The following RASSF3 variants were observed in gnomAD, a reference collection of about 807,000 sequenced individuals.
RASSF3 encodes Ras association domain family member 3.
Under a neutral mutation model 19.9 loss-of-function variants are expected in RASSF3, and 19 were observed. The ratio of observed to expected loss-of-function variants is 0.96; its 90% CI spans 0.67 to 1.40. The LOEUF is 1.40. RASSF3 is among the 40% of genes most tolerant of loss of function. RASSF3 has a pLI of 0.00. For synonymous variants in RASSF3, 110 were observed against 104.2 expected (o/e 1.06, Z -0.34); for missense variants, 306 against 289.8 (o/e 1.06, Z -0.41).
At chr12:64,575,931 C>T (rs1869588466) in intron 2 of RASSF3, among the ~76,000 whole-genome samples, 1 of 149,942 alleles carries the variant, frequency 6.7e-6, no homozygotes, top group Non-Finnish European at 1.5e-5. Context: ...CTCTTGTTGC[C>T]CAGGCTAGAG....
At chr12:64,681,920 G>A (rs1873140466) in intron 1 of RASSF3, among the ~76,000 whole-genome samples, 1 of 152,176 alleles carries the variant, frequency 6.6e-6, no homozygotes, top group Admixed American at 6.5e-5. Context: ...TGGGAGGAAT[G>A]TTTGAACTCA....
chr12:64,576,490 A>C (rs914543077), intron 2 of RASSF3, among the ~76,000 whole-genome samples: 1 of 152,226 alleles, frequency 6.6e-6, no homozygotes, highest in Non-Finnish European at 1.5e-5. Flanking sequence ...GAAAAGATTT[A>C]TTAAACAGGA....
At chr12:64,676,771 A>ATT (rs1216124739) in intron 1 of RASSF3, among the ~76,000 whole-genome samples, 3 of 133,330 alleles carry the variant, frequency 2.3e-5, no homozygotes, top group Non-Finnish European at 3.2e-5. Flanking sequence ...GCACCTGGCC[A>ATT]CTTTTTTTTT....
intron 1 of RASSF3, chr12:64,655,078 A>C (rs1319566803): frequency 1.3e-5 from 2 of 152,154 alleles, no homozygotes; most frequent in African/African-American, 4.8e-5. Context: ...GCAAGGGGAG[A>C]GCTTTAATTC....
intron 1 of RASSF3, among the ~76,000 whole-genome samples, chr12:64,659,488 A>G (rs1190661795): frequency 6.6e-6 from 1 of 152,114 alleles, no homozygotes; most frequent in Non-Finnish European, 1.5e-5. Context: ...AGAGGGGTCC[A>G]TTTTTGTGGA....
chr12:64,645,841 C>CAGTA (rs1221368384), intron 1 of RASSF3, among the ~76,000 whole-genome samples: 2 of 152,168 alleles, frequency 1.3e-5, no homozygotes, highest in Non-Finnish European at 2.9e-5. Context: ...TGTAGAAATG[C>CAGTA]AGTACATTTC....
At chr12:64,625,354 C>T (rs1475531314) in intron 1 of RASSF3, among the ~76,000 whole-genome samples, 1 of 152,126 alleles carries the variant, frequency 6.6e-6, no homozygotes, top group Non-Finnish European at 1.5e-5. Context: ...TCCTTTAAAG[C>T]AAGCCACTCC....
At chr12:64,633,542 G>C (rs1334661876) in intron 1 of RASSF3, among the ~76,000 whole-genome samples, 3 of 152,096 alleles carry the variant, frequency 2.0e-5, no homozygotes, top group Non-Finnish European at 2.9e-5. Context: ...TCCTCACCAG[G>C]AGCAGATGTT....
chr12:64,574,325 A>G (rs1338833331), intron 2 of RASSF3, among the ~76,000 whole-genome samples: 3 of 151,928 alleles, frequency 2.0e-5, no homozygotes, highest in South Asian at 4.2e-4. Context: ...AAAAAAAAAA[A>G]GAAATATTTG....
At chr12:64,635,931 G>A (rs1376579986) in intron 1 of RASSF3, among the ~76,000 whole-genome samples, 1 of 152,096 alleles carries the variant, frequency 6.6e-6, no homozygotes, top group Non-Finnish European at 1.5e-5. Context: ...AAAATAGGCA[G>A]TATCTCTTTT....
chr12:64,508,480 G>A (rs1046003116), intron 1 of RASSF3, among the ~76,000 whole-genome samples: 13 of 151,344 alleles, frequency 8.6e-5, no homozygotes, highest in African/African-American at 1.9e-4. Flanking sequence ...TCATGCCACC[G>A]TACTCCAGCC....
intron 1 of RASSF3, chr12:64,654,808 T>C (rs1188391263): frequency 6.6e-6 from 1 of 152,016 alleles, no homozygotes; most frequent in East Asian, 1.9e-4. Flanking sequence ...GAAGTTGCAG[T>C]GAGCCGAGAT....
intron 1 of RASSF3, among the ~76,000 whole-genome samples, chr12:64,650,672 TC>T (rs1260123616): frequency 2.0e-5 from 3 of 152,126 alleles, no homozygotes; most frequent in African/African-American, 4.8e-5. Context: ...GCCTTGGACT[TC>T]CAAAGTGCTG....
chr12:64,603,013 C>T (rs1042411863), intron 2 of RASSF3, among the ~76,000 whole-genome samples: 1 of 151,536 alleles, frequency 6.6e-6, no homozygotes, highest in African/African-American at 2.4e-5. Flanking sequence ...GCAGGAGAAT[C>T]GCTTGAACCT....
chr12:64,618,521 G>T (rs1870629946), intron 1 of RASSF3, among the ~76,000 whole-genome samples: 1 of 152,040 alleles, frequency 6.6e-6, no homozygotes, highest in Admixed American at 6.6e-5. Flanking sequence ...TAGAGACGGG[G>T]TTATACCATG....
intron 1 of RASSF3, among the ~76,000 whole-genome samples, chr12:64,511,807 T>C (rs1271810228): frequency 1.3e-5 from 2 of 151,920 alleles, no homozygotes; most frequent in African/African-American, 4.9e-5. Context: ...TCATGACTTA[T>C]AAGATAACCA....
chr12:64,664,128 G>C (rs938818937), intron 1 of RASSF3, among the ~76,000 whole-genome samples: 1 of 151,898 alleles, frequency 6.6e-6, no homozygotes, highest in African/African-American at 2.4e-5. Flanking sequence ...TGTGAAGCTG[G>C]GATTTACATA....
At chr12:64,561,161 G>C (rs1234494566) in intron 2 of RASSF3, among the ~76,000 whole-genome samples, 1 of 152,112 alleles carries the variant, frequency 6.6e-6, no homozygotes, top group African/African-American at 2.4e-5. Flanking sequence ...CCTGCAGCCG[G>C]AGAGCTGAGG....
chr12:64,562,786 A>T (rs1869370071), intron 2 of RASSF3, among the ~76,000 whole-genome samples: 1 of 151,966 alleles, frequency 6.6e-6, no homozygotes, highest in Admixed American at 6.5e-5. Context: ...ACACCTGGCT[A>T]ATGTTTTTTA....
Sources: allele counts gnomAD v4.1 joint callset (sites outside exome capture counted in the v4.1 genomes callset), GRCh38; gene constraint gnomAD v4.1.1; transcripts MANE v1.5; gene names NCBI Gene and HGNC (gene_info 2026-07-23, HGNC 2026-07-21).